NEMP2: variants seen among roughly 807,000 people sequenced by gnomAD.
The protein encoded by NEMP2 is nuclear envelope integral membrane protein 2.
Under a neutral mutation model 54.2 loss-of-function variants are expected in NEMP2, and 53 were observed. That is an observed-to-expected ratio of 0.98 (90% CI 0.78 to 1.23). The LOEUF (loss-of-function observed/expected upper bound fraction) is 1.23, where lower values mean the gene tolerates loss of function less well. Among genes scored for constraint, NEMP2 ranks in the 50% most tolerant of loss-of-function variants. The pLI is 0.00. For missense variants in NEMP2, 455 were observed against 511.3 expected, an observed-to-expected ratio of 0.89 and a Z score of 1.06; for synonymous variants, 197 against 190.3, an observed-to-expected ratio of 1.04 and a Z score of -0.29.
chr2:190,548,023 G>C, the NEMP2 span, among the ~76,000 whole-genome samples: 3 of 152,146 alleles, frequency 2.0e-5, no homozygotes, highest in African/African-American at 7.2e-5. Context: ...GGGTTAACTA[G>C]GTCACTTGCC....
the NEMP2 span, among the ~76,000 whole-genome samples, chr2:190,456,114 T>A: frequency 6.6e-6 from 1 of 151,868 alleles, no homozygotes; most frequent in Admixed American, 6.6e-5. The surrounding 1 kb of genome is among the most constrained non-coding windows in gnomAD (Gnocchi z 5.4). Flanking sequence ...CTAATTTTTA[T>A]ATTTTTAGTA....
chr2:190,475,247 T>C, the NEMP2 span, among the ~76,000 whole-genome samples: 6 of 152,162 alleles, frequency 3.9e-5, no homozygotes, highest in Non-Finnish European at 8.8e-5. Context: ...ATAAAGGGTA[T>C]TCAATTAGGA....
chr2:190,537,910 C>T (rs938511428), upstream of NEMP2, among the ~76,000 whole-genome samples: 2 of 152,194 alleles, frequency 1.3e-5, no homozygotes, highest in African/African-American at 4.8e-5. Flanking sequence ...GTATCATGGG[C>T]TGCACCTAGG....
At position 190,510,382 on chromosome 2, in the gene NEMP2, G is replaced by C. The variant is rs1417144858; in HGVS notation, c.1109C>G (p.Ser370Cys). 54 of 1,551,612 alleles carry C rather than the reference G, an allele frequency of 3.5e-5. No individual in the cohort carries two copies. The highest frequency in any genetic ancestry group is 4.4e-5 in the Non-Finnish European group (51 of 1,147,018). The change falls in exon 8 of 9, where the codon TCC becomes TGC. Residue 370 changes from serine (S) to cysteine (C), a missense_variant. Transcript: ENST00000409150. The surrounding 1 kb of genome is among the most constrained non-coding windows in gnomAD (Gnocchi z 5.7). ...TTACTTGCTAGGAGTGTGGAGTCTGGAGACGACCAGCCATGAGGGAAAGTC... is the reference window on the plus strand; with the variant it reads ...TTACTTGCTAGGAGTGTGGAGTCTGCAGACGACCAGCCATGAGGGAAAGTC... ...KPDFPSWLVVSRLHTPSKFAD... is the reference protein window; with the variant it reads ...KPDFPSWLVVCRLHTPSKFAD...
the NEMP2 span, among the ~76,000 whole-genome samples, chr2:190,423,183 A>G: frequency 1.3e-5 from 2 of 152,194 alleles, no homozygotes; most frequent in Non-Finnish European, 2.9e-5. The surrounding 1 kb of genome is among the most constrained non-coding windows in gnomAD (Gnocchi z 4.3). Flanking sequence ...AAACTATAGC[A>G]TAATAGCACC....
At chr2:190,427,449 G>A in the NEMP2 span, among the ~76,000 whole-genome samples, 14 of 152,206 alleles carry the variant, frequency 9.2e-5, no homozygotes, top group African/African-American at 2.9e-4. Context: ...TTTCTAGACT[G>A]CCCCTTTCCT....
the NEMP2 span, chr2:190,469,804 A>G: frequency 1.2e-6 from 2 of 1,608,504 alleles, no homozygotes; most frequent in Non-Finnish European, 1.7e-6. The surrounding 1 kb of genome is among the most constrained non-coding windows in gnomAD (Gnocchi z 5.3). Context: ...CTATATTTAT[A>G]TTTCCTACCT....
chr2:190,424,554 C>T, the NEMP2 span, among the ~76,000 whole-genome samples: 3 of 152,076 alleles, frequency 2.0e-5, no homozygotes, highest in Non-Finnish European at 4.4e-5. The surrounding 1 kb of genome is among the most constrained non-coding windows in gnomAD (Gnocchi z 5.9). Context: ...AGGATGGTCT[C>T]GAACTCCTGA....
At chr2:190,604,491 T>C in the NEMP2 span, among the ~76,000 whole-genome samples, 2 of 152,202 alleles carry the variant, frequency 1.3e-5, no homozygotes, top group Non-Finnish European at 2.9e-5. This position sits in a 1 kb window ranked among gnomAD's most constrained non-coding sequence, Gnocchi z 4.5. Context: ...GAAACCACAA[T>C]GTGCCTACTC....
chr2:190,472,455 G>C, the NEMP2 span, among the ~76,000 whole-genome samples: 1 of 152,210 alleles, frequency 6.6e-6, no homozygotes, highest in Non-Finnish European at 1.5e-5. Context: ...AGCCTTAGTA[G>C]CTGATTTGAT....
chr2:190,424,002 G>C, the NEMP2 span, among the ~76,000 whole-genome samples: 1 of 152,150 alleles, frequency 6.6e-6, no homozygotes, highest in East Asian at 1.9e-4. This position sits in a 1 kb window ranked among gnomAD's most constrained non-coding sequence, Gnocchi z 5.9. Flanking sequence ...TGTTTGTTGA[G>C]TTTGGAGAAT....
At chr2:190,443,572 G>A in the NEMP2 span, among the ~76,000 whole-genome samples, 39 of 152,198 alleles carry the variant, frequency 2.6e-4, no homozygotes, top group Non-Finnish European at 5.7e-4. The surrounding 1 kb of genome is among the most constrained non-coding windows in gnomAD (Gnocchi z 4.2). Context: ...GCAAAGTCAA[G>A]ATGTTTATGA....
At chr2:190,480,614 C>T in the NEMP2 span, among the ~76,000 whole-genome samples, 1 of 152,176 alleles carries the variant, frequency 6.6e-6, no homozygotes, top group Non-Finnish European at 1.5e-5. Context: ...AGGCAGATTA[C>T]CAAAATATGC....
At position 190,504,881 on chromosome 2, in the gene NEMP2, A is replaced by C. The variant is rs1348266459; in HGVS notation, c.*4308T>G. On this transcript the variant is annotated 3_prime_UTR_variant, in exon 9 of 9. Transcript: ENST00000409150. This position sits in a 1 kb window ranked among gnomAD's most constrained non-coding sequence, Gnocchi z 5.6. ...CTACTGCTGGTATGTGACAACATAGAAATTAGACATTTCAAAATATGTATG... is the reference window on the plus strand; with the variant it reads ...CTACTGCTGGTATGTGACAACATAGCAATTAGACATTTCAAAATATGTATG... 1 of 152,228 alleles carries C rather than the reference A, an allele frequency of 6.6e-6. No individual in the cohort carries two copies. Among genetic ancestry groups the C allele is most frequent in the East Asian group, 1.9e-4 (1 of 5,200 alleles). 9.4% of individuals were successfully genotyped at this position (152,228 alleles called of 1,614,324 possible).
chr2:190,497,061 A>G, the NEMP2 span, among the ~76,000 whole-genome samples: 1 of 152,214 alleles, frequency 6.6e-6, no homozygotes, highest in African/African-American at 2.4e-5. The surrounding 1 kb of genome is among the most constrained non-coding windows in gnomAD (Gnocchi z 5.2). Context: ...GTGGGAATAA[A>G]ACATTTTTTA....
the NEMP2 span, among the ~76,000 whole-genome samples, chr2:190,479,001 T>C: frequency 2.0e-5 from 3 of 152,128 alleles, no homozygotes; most frequent in African/African-American, 7.2e-5. Context: ...CCTTCCTCTT[T>C]GGGGTTGCAT....
the NEMP2 span, among the ~76,000 whole-genome samples, chr2:190,544,699 A>C: frequency 6.6e-6 from 1 of 152,180 alleles, no homozygotes; most frequent in East Asian, 1.9e-4. Flanking sequence ...TAATCAGTTA[A>C]TCTGAAAAAA....
chr2:190,485,751 T>C, the NEMP2 span, among the ~76,000 whole-genome samples: 1 of 152,018 alleles, frequency 6.6e-6, no homozygotes, highest in Admixed American at 6.6e-5. The surrounding 1 kb of genome is among the most constrained non-coding windows in gnomAD (Gnocchi z 5.1). Context: ...TTTGACTTCT[T>C]AGGAAATTAA....
the NEMP2 span, among the ~76,000 whole-genome samples, chr2:190,443,280 A>G: frequency 3.3e-5 from 5 of 152,322 alleles, no homozygotes; most frequent in Non-Finnish European, 5.9e-5. This position sits in a 1 kb window ranked among gnomAD's most constrained non-coding sequence, Gnocchi z 4.2. Flanking sequence ...ACTTGGAACT[A>G]TATGGCCTTG....
Sources: allele counts gnomAD v4.1 joint callset (sites outside exome capture counted in the v4.1 genomes callset), GRCh38; gene constraint gnomAD v4.1.1; non-coding constraint Gnocchi (gnomAD v3.1); transcripts MANE v1.5; gene names NCBI Gene and HGNC (gene_info 2026-07-23, HGNC 2026-07-21).